The following KSR2 variants were observed in gnomAD, a reference collection of about 807,000 sequenced individuals.
The protein encoded by KSR2 is kinase suppressor of ras 2.
In KSR2, 25 loss-of-function variants were observed where a neutral mutation model predicts 107.8. That is an observed-to-expected ratio of 0.23 (90% confidence interval 0.17 to 0.32). The LOEUF (loss-of-function observed/expected upper bound fraction) is 0.32, where lower values mean the gene tolerates loss of function less well. Ranked by LOEUF, KSR2 falls within the 10% of genes least tolerant of loss-of-function variation. The probability of loss-of-function intolerance (pLI) is 1.00; values close to 1 mark genes in which losing one functional copy is unlikely to be tolerated. For synonymous variants in KSR2, 480 were observed against 507.0 expected (o/e 0.95, Z 0.71); for missense variants, 887 against 1,268.9 (o/e 0.70, Z 4.57).
At chr12:117,793,447 AAACC>A (rs1890372568) in intron 3 of KSR2, among the ~76,000 whole-genome samples, 1 of 149,700 alleles carries the variant, frequency 6.7e-6, no homozygotes, top group Middle Eastern at 3.4e-3. Context: ...ATGCACACTC[AAACC>A]AACATGCACA....
rs140373823 is a variant in KSR2, at chr12:117,804,017, T to C, written c.473-42493A>G. Among the ~76,000 whole-genome samples the C allele has an allele frequency of 7.6e-4, 116 of 152,306 alleles. 1 individual carries two copies. Among genetic ancestry groups the C allele is most frequent in the African/African-American group, 2.6e-3 (107 of 41,574 alleles). The stretch of plus-strand genomic sequence containing the variant: ...GGCTATTTTTGTAAACTGAGTTTCA[T>C]TGACACATAGCCATATCCATTCTTT... On this transcript the variant is annotated intron_variant, in intron 3 of 19. Transcript: ENST00000339824.
At chr12:117,599,655 G>A (rs1052282377) in intron 5 of KSR2, among the ~76,000 whole-genome samples, 1 of 151,672 alleles carries the variant, frequency 6.6e-6, no homozygotes, top group African/African-American at 2.4e-5. Context: ...CCTAAGCTGT[G>A]ACCAAGAAAA....
chr12:117,497,338 G>A (rs914597105), intron 14 of KSR2, among the ~76,000 whole-genome samples: 1 of 152,180 alleles, frequency 6.6e-6, no homozygotes, highest in Non-Finnish European at 1.5e-5. Flanking sequence ...GGTGCTAGAT[G>A]CTTCCATTAA....
chr12:117,655,136 C>T (rs559171747), intron 5 of KSR2, among the ~76,000 whole-genome samples: 1 of 152,348 alleles, frequency 6.6e-6, no homozygotes, highest in Non-Finnish European at 1.5e-5. Context: ...GGTTTGTCCT[C>T]ACTGGAATAG....
intron 4 of KSR2, among the ~76,000 whole-genome samples, chr12:117,757,973 C>T (rs1888856133): frequency 6.6e-6 from 1 of 152,128 alleles, no homozygotes; most frequent in Non-Finnish European, 1.5e-5. Context: ...AAACGCTTAC[C>T]AGATGCAATG....
At chr12:117,571,272 G>A (rs1593005097) in intron 7 of KSR2, among the ~76,000 whole-genome samples, 1 of 152,004 alleles carries the variant, frequency 6.6e-6, no homozygotes, top group Admixed American at 6.6e-5. Flanking sequence ...AAGAAAAAAA[G>A]AAACCTATTC....
chr12:117,499,479 C>T (rs531803239), intron 14 of KSR2, among the ~76,000 whole-genome samples: 15 of 152,276 alleles, frequency 9.9e-5, no homozygotes, highest in Admixed American at 3.3e-4. Flanking sequence ...ATTCTGTAGA[C>T]GGTTTGGAAA....
intron 1 of KSR2, among the ~76,000 whole-genome samples, chr12:117,927,286 G>C (rs774980412): frequency 8.5e-5 from 13 of 152,180 alleles, no homozygotes; most frequent in Admixed American, 2.0e-4. Flanking sequence ...TGAGGCAGGA[G>C]AATCACTTGA....
At chr12:117,765,403 C>T (rs1889190222) in intron 3 of KSR2, among the ~76,000 whole-genome samples, 1 of 152,120 alleles carries the variant, frequency 6.6e-6, no homozygotes, top group Non-Finnish European at 1.5e-5. Flanking sequence ...CTGGTTAAAC[C>T]ACTGACCAGC....
chr12:117,617,817 A>G (rs77270466), intron 5 of KSR2, among the ~76,000 whole-genome samples: 1,940 of 152,346 alleles, frequency 0.013, 49 homozygotes, highest in African/African-American at 0.045. Flanking sequence ...ATATATGAGT[A>G]TAATTTACTA....
chr12:117,841,753 G>C (rs1892486948), intron 3 of KSR2, among the ~76,000 whole-genome samples: 2 of 152,162 alleles, frequency 1.3e-5, no homozygotes, highest in Non-Finnish European at 2.9e-5. Context: ...CCCCGCCTCT[G>C]ACACTTAGTT....
rs931900435 is a variant in KSR2 at position 117,842,435 on chromosome 12, AG to A, written c.472+12992del. Among the ~76,000 whole-genome samples, 1 of 152,196 alleles carries A rather than the reference AG, an allele frequency of 6.6e-6. No homozygotes were observed. Among genetic ancestry groups the A allele is most frequent in the Non-Finnish European group, 1.5e-5 (1 of 68,036 alleles). The stretch of plus-strand genomic sequence containing the variant: ...AGAGGGTAGCTGGGTGCAATGAGCC[AG>A]TGAAAACATCAGCAGATAGGGACCA... On this transcript the variant is annotated intron_variant, in intron 3 of 19. Coordinates refer to ENST00000339824, the MANE Select transcript of KSR2 (RefSeq NM_173598.6). This position sits in a 1 kb window ranked among gnomAD's most constrained non-coding sequence, Gnocchi z 4.2.
intron 1 of KSR2, among the ~76,000 whole-genome samples, chr12:117,893,978 C>T (rs977166314): frequency 2.0e-5 from 3 of 149,198 alleles, no homozygotes; most frequent in Admixed American, 6.7e-5. Flanking sequence ...GGCGCGATCT[C>T]GGCTCACTGC....
intron 5 of KSR2, among the ~76,000 whole-genome samples, chr12:117,645,590 T>C (rs907183857): frequency 9.9e-5 from 15 of 152,200 alleles, no homozygotes; most frequent in African/African-American, 3.6e-4. Context: ...GTAGAGGTCA[T>C]ATTGTTCCTT....
chr12:117,710,597 T>A (rs904758942), intron 4 of KSR2, among the ~76,000 whole-genome samples: 1 of 152,122 alleles, frequency 6.6e-6, no homozygotes, highest in Non-Finnish European at 1.5e-5. Context: ...CTGCCAGCCG[T>A]ATGGGTGGGG....
intron 5 of KSR2, among the ~76,000 whole-genome samples, chr12:117,644,995 G>C (rs1382205481): frequency 6.6e-6 from 1 of 152,192 alleles, no homozygotes; most frequent in African/African-American, 2.4e-5. Context: ...TCACTCCATG[G>C]CTTCAAGAGT....
At position 117,539,191 on chromosome 12, in the gene KSR2, A is replaced by G. The variant is rs80340826; in HGVS notation, c.1687+528T>C. Among the ~76,000 whole-genome samples, 655 of 152,286 alleles carry G rather than the reference A, an allele frequency of 4.3e-3. 6 individuals carry two copies. The highest frequency in any genetic ancestry group is 0.015 in the African/African-American group (615 of 41,560). Reference sequence around the variant, plus strand: ...GTGAGACACAGCAAGAATGCAATAGACCTGGATCTTGACTCCAGGAGTCCA... The same window carrying G: ...GTGAGACACAGCAAGAATGCAATAGGCCTGGATCTTGACTCCAGGAGTCCA... On this transcript the variant is annotated intron_variant, in intron 10 of 19. Coordinates refer to ENST00000339824, the MANE Select transcript of KSR2 (RefSeq NM_173598.6).
At chr12:117,902,447 GACC>G (rs1894714140) in intron 1 of KSR2, among the ~76,000 whole-genome samples, 2 of 143,468 alleles carry the variant, frequency 1.4e-5, no homozygotes, top group Non-Finnish European at 3.0e-5. Flanking sequence ...AGTGAGCTGA[GACC>G]ATGCCACTGC....
intron 5 of KSR2, among the ~76,000 whole-genome samples, chr12:117,650,969 G>T (rs1883880711): frequency 1.3e-5 from 2 of 152,194 alleles, no homozygotes; most frequent in Admixed American, 1.3e-4. Flanking sequence ...AATGAAAGGT[G>T]CATGCACAGC....
Sources: allele counts gnomAD v4.1 joint callset (sites outside exome capture counted in the v4.1 genomes callset), GRCh38; gene constraint gnomAD v4.1.1; non-coding constraint Gnocchi (gnomAD v3.1); transcripts MANE v1.5; gene names NCBI Gene and HGNC (gene_info 2026-07-23, HGNC 2026-07-21).